Variants in EVI5 observed in about 807,000 individuals in gnomAD.
The protein encoded by EVI5 is ecotropic viral integration site 5 protein homolog.
EVI5 carries 73 observed loss-of-function variants against 112.0 expected under a neutral mutation model. The observed-to-expected ratio is 0.65, with a 90% CI of 0.54 to 0.79. The LOEUF is 0.79. Among genes scored for constraint, EVI5 ranks in the 30% least tolerant of loss-of-function variants. The pLI is 0.00. For missense variants in EVI5, 900 were observed against 968.8 expected (o/e 0.93, Z 0.94); for synonymous variants, 305 against 319.9 (o/e 0.95, Z 0.50).
chr1:92,736,215 T>C (rs965907875), intron 2 of EVI5, among the ~76,000 whole-genome samples, 183 bp downstream of exon 2: 3 of 152,108 alleles, frequency 2.0e-5, no homozygotes, highest in African/African-American at 7.2e-5. Context: ...CTAAAGCTAT[T>C]TGAGCCAGAA....
At chr1:92,610,829 A>G (rs941973833) in intron 16 of EVI5, among the ~76,000 whole-genome samples, 2 of 152,176 alleles carry the variant, frequency 1.3e-5, no homozygotes, top group Non-Finnish European at 2.9e-5. Context: ...AGAGATGGTA[A>G]CAGTTGAGAA....
intron 1 of EVI5, among the ~76,000 whole-genome samples, chr1:92,749,523 G>A (rs1303657708): frequency 1.3e-5 from 2 of 151,880 alleles, no homozygotes; most frequent in Non-Finnish European, 2.9e-5. Flanking sequence ...CAGTATCAAA[G>A]ACCTTGTCTA....
At position 92,693,823 on chromosome 1, in the gene EVI5, T is replaced by C; in HGVS notation, c.1076A>G (p.Tyr359Cys). ...KLIQAAYQVK[Y>C]NSKKMKKLEK... Reference sequence around the variant, plus strand: ...TTACTTTTTCATTTTTTTTGAATTGTATTTGACTTGGTAAGCTGCTTGGAT... The same window carrying C: ...TTACTTTTTCATTTTTTTTGAATTGCATTTGACTTGGTAAGCTGCTTGGAT... Residue 359 changes from tyrosine (Y) to cysteine (C), a missense_variant, in exon 9 of 20, where the codon TAC (tyrosine) becomes TGC (cysteine). Tyr to Cys is a radical substitution (Grantham distance 194). Coordinates refer to ENST00000684568, the MANE Select transcript of EVI5 (RefSeq NM_001350197.2). 1 of 1,596,468 alleles carries C rather than the reference T, an allele frequency of 6.3e-7. No homozygotes were observed.
At chr1:92,698,060 A>G (rs955209032) in intron 5 of EVI5, 75 bp from the exon 6 acceptor site, 1 of 1,354,874 alleles carries the variant, frequency 7.4e-7, no homozygotes, top group Non-Finnish European at 1.0e-6. Flanking sequence ...ATTTAAACTA[A>G]GTACACAGCC....
intron 16 of EVI5, among the ~76,000 whole-genome samples, chr1:92,616,404 C>T (rs1175645377): frequency 2.0e-5 from 3 of 152,168 alleles, no homozygotes; most frequent in African/African-American, 7.2e-5. Flanking sequence ...AGTGGCAGCA[C>T]TCAACCATCA....
chr1:92,737,665 C>T (rs978441511), intron 1 of EVI5, among the ~76,000 whole-genome samples: 3 of 152,134 alleles, frequency 2.0e-5, no homozygotes, highest in African/African-American at 7.2e-5. Context: ...TACCACTCTC[C>T]TCATTGGTTA....
intron 1 of EVI5, among the ~76,000 whole-genome samples, chr1:92,747,480 G>A (rs1043043255): frequency 7.2e-5 from 11 of 152,016 alleles, no homozygotes; most frequent in African/African-American, 1.9e-4. Flanking sequence ...GTGGGAGGCC[G>A]AGGTAGGTGG....
At chr1:92,575,901 A>AT (rs1339863735) in intron 18 of EVI5, among the ~76,000 whole-genome samples, 2 of 151,978 alleles carry the variant, frequency 1.3e-5, no homozygotes, top group East Asian at 1.9e-4. Context: ...CATATTGTTA[A>AT]TTTTTTGGAA....
At chr1:92,681,267 T>A (rs1240093201) in intron 9 of EVI5, among the ~76,000 whole-genome samples, 1 of 152,136 alleles carries the variant, frequency 6.6e-6, no homozygotes, top group African/African-American at 2.4e-5. Context: ...TATTTACAGA[T>A]AAAGGGCACA....
chr1:92,693,863 CA>C lies in EVI5; in HGVS notation c.1035del (p.Val346SerfsTer5). On this transcript the variant is annotated frameshift_variant, in exon 9 of 20. Transcript: ENST00000684568. LOFTEE classifies it high-confidence loss of function. ...FQKVIPHQFD[G>X]VPDKLIQAAY... is the part of the protein sequence containing the mutation. ...GCTGCTTGGATTAGCTTGTCTGGGA[CA>C]CCATCAAACTGATGTGGAATGACCT... The C allele has an allele frequency of 6.2e-7, 1 of 1,605,028 alleles. No homozygotes were observed. The highest frequency in any genetic ancestry group is 8.5e-7 in the Non-Finnish European group (1 of 1,172,742).
At chr1:92,779,351 C>T (rs989522208) in intron 1 of EVI5, among the ~76,000 whole-genome samples, 2 of 151,950 alleles carry the variant, frequency 1.3e-5, no homozygotes, top group Non-Finnish European at 2.9e-5. Flanking sequence ...GGTGAAAACC[C>T]GGCTCTACTA....
rs202009188 is a variant in EVI5, at chr1:92,694,336, G to C, written c.962C>G (p.Ala321Gly). 167 of 1,605,034 alleles carry C rather than the reference G, an allele frequency of 1.0e-4. No homozygotes were observed. The highest frequency in any genetic ancestry group is 1.4e-4 in the Non-Finnish European group (164 of 1,173,184). ...TTCCATGTCAAGTTGCATCAGTTCT[G>C]CCTGATTCATCTGAAGAAGTGCTAA... is the stretch of plus-strand genomic sequence containing the variant. ...VGLALLQMNQAELMQLDMEGM... is the reference protein window; with the variant it reads ...VGLALLQMNQGELMQLDMEGM... The change falls in exon 8 of 20, where the codon GCA becomes GGA. Residue 321 changes from alanine (A) to glycine (G), a missense_variant. Physicochemically the swap from Ala to Gly is moderately conservative, Grantham distance 60. Coordinates refer to ENST00000684568, the MANE Select transcript of EVI5 (RefSeq NM_001350197.2).
At chr1:92,768,404 C>T (rs1252067575) in intron 1 of EVI5, among the ~76,000 whole-genome samples, 1 of 152,148 alleles carries the variant, frequency 6.6e-6, no homozygotes, top group Non-Finnish European at 1.5e-5. Flanking sequence ...ATACTCAACT[C>T]CAACACATCC....
At chr1:92,545,806 C>A (rs1174446498) in intron 19 of EVI5, among the ~76,000 whole-genome samples, 1 of 152,114 alleles carries the variant, frequency 6.6e-6, no homozygotes, top group Non-Finnish European at 1.5e-5. Context: ...CCTCTCTACT[C>A]ATTTTCCTCC....
intron 1 of EVI5, among the ~76,000 whole-genome samples, chr1:92,757,819 T>C (rs904983967): frequency 2.0e-5 from 3 of 148,496 alleles, no homozygotes; most frequent in East Asian, 4.0e-4. Context: ...TAAGAATCAC[T>C]TGAACCCGGG....
intron 13 of EVI5, among the ~76,000 whole-genome samples, chr1:92,641,036 A>G (rs1659860109): frequency 6.6e-6 from 1 of 152,152 alleles, no homozygotes; most frequent in African/African-American, 2.4e-5. Context: ...ACATGGACAC[A>G]GGGGAGAGAA....
chr1:92,527,414 C>CAAAAAAAAAA (rs763348201), intron 19 of EVI5, among the ~76,000 whole-genome samples: 1 of 18,590 alleles, frequency 5.4e-5, no homozygotes, highest in Non-Finnish European at 1.1e-4. Context: ...GACACTGTCT[C>CAAAAAAAAAA]AAAAAAAAAA....
chr1:92,589,481 C>T (rs527261735), intron 18 of EVI5, among the ~76,000 whole-genome samples: 1 of 152,302 alleles, frequency 6.6e-6, no homozygotes, highest in East Asian at 1.9e-4. Flanking sequence ...CTGTGCCTGG[C>T]TTGGAGGGTC....
chr1:92,605,943 C>T (rs1241086075), intron 17 of EVI5, among the ~76,000 whole-genome samples: 2 of 152,010 alleles, frequency 1.3e-5, no homozygotes, highest in African/African-American at 2.4e-5. Flanking sequence ...ACTTTGTTCC[C>T]GAATTATTCC....
Sources: allele counts gnomAD v4.1 joint callset (sites outside exome capture counted in the v4.1 genomes callset), GRCh38; gene constraint gnomAD v4.1.1; transcripts MANE v1.5; gene names NCBI Gene and HGNC (gene_info 2026-07-23, HGNC 2026-07-21).